The following KTN1 variants were observed in gnomAD, a reference collection of about 807,000 sequenced individuals.
KTN1 encodes the protein kinectin.
In KTN1, 130 loss-of-function variants were observed where a neutral mutation model predicts 222.5. That is an observed-to-expected ratio of 0.58 (90% CI 0.51 to 0.68). KTN1 has a LOEUF of 0.68. Ranked by LOEUF, KTN1 falls within the 30% of genes least tolerant of loss-of-function variation. The pLI is 0.00. For synonymous variants in KTN1, 512 were observed against 496.3 expected (o/e 1.03, Z -0.42); for missense variants, 1,508 against 1,500.4 (o/e 1.01, Z -0.08).
intron 7 of KTN1, among the ~76,000 whole-genome samples, 160 bp from the exon 8 acceptor site, chr14:55,633,073 CAA>C (rs2040714254): frequency 6.6e-6 from 1 of 152,116 alleles, no homozygotes; most frequent in Non-Finnish European, 1.5e-5. Context: ...TCATCACTAA[CAA>C]AATATAATTC....
rs1033666013 is a variant in KTN1, at chr14:55,684,177, A to G, written c.*74A>G. The G allele has an allele frequency of 1.7e-6, 2 of 1,170,028 alleles. No homozygotes were observed. The highest frequency in any genetic ancestry group is 2.7e-5 in the South Asian group (2 of 73,078). The allele number at this position is 1,170,028 out of a possible 1,614,324, so 72.5% of individuals were successfully genotyped here. ...ATTTTGCCAAATTAAAGCCTTATTT[A>G]TGTTTTCACCCTTTCTACTTTGTCA... On this transcript the variant is annotated 3_prime_UTR_variant, in exon 44 of 44. Coordinates refer to ENST00000395314, the MANE Select transcript of KTN1 (RefSeq NM_001079521.2).
At chr14:55,678,241 T>C in intron 41 of KTN1, 111 bp from the exon 42 acceptor site, 1 of 651,260 alleles carries the variant, frequency 1.5e-6, no homozygotes, top group Non-Finnish European at 2.7e-6. Flanking sequence ...GAAAAACCTG[T>C]GTCGTCTTTT....
At chr14:55,666,142 A>G (rs74404012) in intron 33 of KTN1, among the ~76,000 whole-genome samples, 4,272 of 152,104 alleles carry the variant, frequency 0.028, 194 homozygotes, top group African/African-American at 0.094. Context: ...CACCTATTGT[A>G]AAAATACTGC....
chr14:55,590,686 T>C (rs1000096314), intron 1 of KTN1, among the ~76,000 whole-genome samples: 4 of 152,002 alleles, frequency 2.6e-5, no homozygotes, highest in Admixed American at 2.6e-4. Context: ...ATTCTTTTTT[T>C]TTTTTTTGAG....
At position 55,612,269 on chromosome 14, in the gene KTN1, A is replaced by G; in HGVS notation, c.221A>G (p.Glu74Gly). The stretch of plus-strand genomic sequence containing the variant: ...GAAATCCAGAATGGAAACCTCCATG[A>G]ATCCGACTCTGAGAGTGTACCTCGA... ...KKEIQNGNLH[E>G]SDSESVPRDF... Residue 74 changes from glutamate to glycine, a missense_variant, in exon 2 of 44, where the codon GAA (glutamate) becomes GGA (glycine). Glu to Gly is a moderately conservative substitution (Grantham distance 98, BLOSUM62 -2). Coordinates refer to ENST00000395314, the MANE Select transcript of KTN1 (RefSeq NM_001079521.2). 6.2e-7 allele frequency: 1 copy of G among 1,600,404 alleles called. No individual in the cohort carries two copies. The highest frequency in any genetic ancestry group is 8.5e-7 in the Non-Finnish European group (1 of 1,176,824).
At chr14:55,673,281 A>G (rs375407982) in intron 40 of KTN1, 26 bp downstream of exon 40, 19 of 1,459,134 alleles carry the variant, frequency 1.3e-5, no homozygotes, top group East Asian at 2.3e-5. Context: ...TCCACTGGGT[A>G]TCAAGTAGGC....
chr14:55,673,094 G>C, intron 39 of KTN1, 78 bp from the exon 40 acceptor site: 1 of 1,496,572 alleles, frequency 6.7e-7, no homozygotes, highest in Non-Finnish European at 9.3e-7. Flanking sequence ...TAAGTTGTTT[G>C]TGGCAGAGCT....
intron 31 of KTN1, among the ~76,000 whole-genome samples, chr14:55,661,036 T>C (rs918341320): frequency 2.0e-4 from 31 of 152,206 alleles, no homozygotes; most frequent in African/African-American, 6.3e-4. Context: ...AAAACATGAA[T>C]GTTGAGATTG....
At chr14:55,649,220 C>T (rs2042695648) in intron 21 of KTN1, among the ~76,000 whole-genome samples, 1 of 152,202 alleles carries the variant, frequency 6.6e-6, no homozygotes, top group African/African-American at 2.4e-5. Flanking sequence ...AGGCACTGTG[C>T]CCAGCCCATT....
intron 19 of KTN1, among the ~76,000 whole-genome samples, 188 bp downstream of exon 19, chr14:55,647,195 T>C (rs2042451999): frequency 6.6e-6 from 1 of 152,208 alleles, no homozygotes; most frequent in African/African-American, 2.4e-5. Context: ...GGCTAGCATA[T>C]AAGAATGAAT....
At chr14:55,638,648 C>G (rs1418504872) in intron 12 of KTN1, among the ~76,000 whole-genome samples, 17 of 151,678 alleles carry the variant, frequency 1.1e-4, no homozygotes, top group African/African-American at 4.1e-4. Context: ...GGAAAGGGTG[C>G]TGGTGTGGAT....
At chr14:55,637,170 C>T (rs1371218448) in intron 10 of KTN1, 28 bp from the exon 11 acceptor site, 3 of 1,528,786 alleles carry the variant, frequency 2.0e-6, no homozygotes, top group Non-Finnish European at 2.7e-6. Context: ...AGAAAGAGAC[C>T]TCTGTAAAAT....
intron 18 of KTN1, among the ~76,000 whole-genome samples, chr14:55,646,027 C>T (rs147152804): frequency 1.3e-5 from 2 of 152,024 alleles, no homozygotes; most frequent in South Asian, 2.1e-4. Flanking sequence ...TCTTTTTGGT[C>T]AGGCTGCTTG....
intron 34 of KTN1, chr14:55,668,433 A>G: frequency 6.6e-6 from 1 of 151,904 alleles, no homozygotes; most frequent in East Asian, 1.9e-4. Flanking sequence ...AGTTGACTGC[A>G]TCCCTGTGGT....
chr14:55,639,765 A>G (rs1334325185), intron 13 of KTN1, 148 bp from the exon 14 acceptor site: 1 of 587,028 alleles, frequency 1.7e-6, no homozygotes, highest in African/African-American at 1.9e-5. Flanking sequence ...AATGTGTGTG[A>G]CAGTTGTTAG....
intron 40 of KTN1, 64 bp from the exon 41 acceptor site, chr14:55,675,771 G>A (rs1173040624): frequency 9.4e-7 from 1 of 1,061,906 alleles, no homozygotes; most frequent in Admixed American, 1.7e-5. Flanking sequence ...CAGTCCTAGA[G>A]GTATCAGCAT....
chr14:55,621,745 T>C (rs1439511343), intron 5 of KTN1, among the ~76,000 whole-genome samples: 4 of 152,160 alleles, frequency 2.6e-5, no homozygotes, highest in African/African-American at 7.2e-5. Flanking sequence ...AACCATATCA[T>C]ATATTCACAC....
At position 55,604,969 on chromosome 14, in the gene KTN1, C is replaced by G. The variant is rs535858395; in HGVS notation, c.-30-7050C>G. ...TTTTCCCACTTGGTTGACTGCTGATCTTTTCTAGCTGGTCGTCCCATATTT... is the reference window on the plus strand; with the variant it reads ...TTTTCCCACTTGGTTGACTGCTGATGTTTTCTAGCTGGTCGTCCCATATTT... On this transcript the variant is annotated intron_variant, in intron 1 of 43. Coordinates refer to ENST00000395314, the MANE Select transcript of KTN1 (RefSeq NM_001079521.2). Among the ~76,000 whole-genome samples, 5 of 152,254 alleles carry G rather than the reference C, an allele frequency of 3.3e-5. No individual in the cohort carries two copies. The South Asian group carries it at 8.3e-4, about 25-fold the overall frequency.
intron 2 of KTN1, 62 bp downstream of exon 2, chr14:55,612,633 A>G: frequency 7.4e-7 from 1 of 1,347,856 alleles, no homozygotes. Context: ...GAATTGAGAT[A>G]TTCTGTTAGG....
Sources: gnomAD v4.1 joint callset for allele counts (sites outside exome capture counted in the v4.1 genomes callset) on GRCh38, gnomAD v4.1.1 for gene constraint, MANE v1.5 for transcripts, NCBI Gene and HGNC (gene_info 2026-07-23, HGNC 2026-07-21) for gene names.